LYRM4: variants seen among roughly 807,000 people sequenced by gnomAD.
LYRM4 encodes the protein LYR motif-containing protein 4.
In LYRM4, 9 loss-of-function variants were observed where a neutral mutation model predicts 11.7. That is an observed-to-expected ratio of 0.77 (90% CI 0.46 to 1.34). The LOEUF is 1.34. LYRM4 is among the 40% of genes most tolerant of loss of function. LYRM4 has a pLI of 0.00. For missense variants in LYRM4, 133 were observed against 112.5 expected, an observed-to-expected ratio of 1.18 and a Z score of -0.82; for synonymous variants, 42 against 40.4, an observed-to-expected ratio of 1.04 and a Z score of -0.15.
intron 1 of LYRM4, chr6:5,218,433 T>TA (rs1374883705): frequency 1.0e-6 from 1 of 956,352 alleles, no homozygotes; most frequent in African/African-American, 1.8e-5. Flanking sequence ...TTGTTTCAGA[T>TA]AAAGTTTTTT....
intron 2 of LYRM4, among the ~76,000 whole-genome samples, chr6:5,139,864 G>T (rs568406062): frequency 6.7e-6 from 1 of 149,686 alleles, no homozygotes; most frequent in Non-Finnish European, 1.5e-5. Flanking sequence ...TTGAGACAGG[G>T]TCTTGCTCTG....
intron 2 of LYRM4, among the ~76,000 whole-genome samples, chr6:5,168,160 A>G (rs542777330): frequency 1.3e-5 from 2 of 152,236 alleles, no homozygotes; most frequent in African/African-American, 4.8e-5. Flanking sequence ...GGAGGAAAGA[A>G]GAAGCTCTTC....
chr6:5,181,680 C>T (rs1760084147), intron 2 of LYRM4, among the ~76,000 whole-genome samples: 1 of 152,132 alleles, frequency 6.6e-6, no homozygotes, highest in Non-Finnish European at 1.5e-5. Flanking sequence ...AACTGGCCTC[C>T]CTGCCGAGCT....
intron 1 of LYRM4, among the ~76,000 whole-genome samples, chr6:5,225,862 A>G (rs1762861835): frequency 6.6e-6 from 1 of 152,256 alleles, no homozygotes; most frequent in Admixed American, 6.5e-5. Context: ...TGCATCATCA[A>G]ACTTTTTGAT....
At chr6:5,099,996 A>C (rs937253609), downstream of LYRM4, among the ~76,000 whole-genome samples, 1 of 152,298 alleles carries the variant, frequency 6.6e-6, no homozygotes, top group Non-Finnish European at 1.5e-5. The surrounding 1 kb of genome is among the most constrained non-coding windows in gnomAD (Gnocchi z 4.3). Flanking sequence ...CTAGACATTT[A>C]GACCTGTCAA....
At chr6:5,205,066 C>T (rs767898239) in intron 2 of LYRM4, among the ~76,000 whole-genome samples, 1 of 152,092 alleles carries the variant, frequency 6.6e-6, no homozygotes, top group Non-Finnish European at 1.5e-5. Flanking sequence ...CACTGGGGAT[C>T]ACAGTGAATA....
intron 1 of LYRM4, among the ~76,000 whole-genome samples, chr6:5,226,930 A>C (rs187218853): frequency 1.0e-3 from 152 of 152,310 alleles, no homozygotes; most frequent in South Asian, 1.7e-3. Flanking sequence ...GAGAGGGCTG[A>C]AATTGTGTGA....
intron 2 of LYRM4, among the ~76,000 whole-genome samples, chr6:5,213,010 A>T (rs1361603125): frequency 6.6e-6 from 1 of 152,232 alleles, no homozygotes; most frequent in Non-Finnish European, 1.5e-5. Context: ...TGAAGACTGA[A>T]GATCTTGCAC....
intron 2 of LYRM4, among the ~76,000 whole-genome samples, chr6:5,123,892 G>A (rs972214447): frequency 1.3e-5 from 2 of 152,214 alleles, no homozygotes; most frequent in African/African-American, 4.8e-5. Flanking sequence ...GGAGATGCAC[G>A]CACAGCTGCA....
At chr6:5,074,785 G>T in the LYRM4 span, among the ~76,000 whole-genome samples, 83 of 152,186 alleles carry the variant, frequency 5.5e-4, 1 homozygote, top group East Asian at 0.012. Flanking sequence ...CACGTTGATG[G>T]TGGTGATGGT....
chr6:5,177,744 G>C (rs1321161068), intron 2 of LYRM4, among the ~76,000 whole-genome samples: 1 of 152,170 alleles, frequency 6.6e-6, no homozygotes, highest in Non-Finnish European at 1.5e-5. Context: ...AAGAGTTTGA[G>C]GGGCTCGAGG....
intron 1 of LYRM4, among the ~76,000 whole-genome samples, chr6:5,232,847 A>G (rs1394921378): frequency 1.3e-5 from 2 of 152,210 alleles, no homozygotes; most frequent in Non-Finnish European, 2.9e-5. Flanking sequence ...TTGTAATTCC[A>G]TGATACAATA....
At chr6:5,246,568 G>T (rs1764206269) in intron 1 of LYRM4, among the ~76,000 whole-genome samples, 1 of 152,180 alleles carries the variant, frequency 6.6e-6, no homozygotes, top group Admixed American at 6.5e-5. Context: ...CAGGGTGCAG[G>T]GGGGACTGAG....
chr6:5,252,963 C>T (rs2127774195), intron 1 of LYRM4, among the ~76,000 whole-genome samples: 1 of 152,274 alleles, frequency 6.6e-6, no homozygotes. Context: ...CTTCCTATGA[C>T]TTCTGGTCAA....
chr6:5,083,521 A>T, the LYRM4 span, among the ~76,000 whole-genome samples: 1 of 152,160 alleles, frequency 6.6e-6, no homozygotes, highest in Non-Finnish European at 1.5e-5. Flanking sequence ...CTTAGTAGTG[A>T]TGGGGGAAAT....
At chr6:5,089,245 T>G in the LYRM4 span, 1 of 152,212 alleles carries the variant, frequency 6.6e-6, no homozygotes, top group East Asian at 1.9e-4. Flanking sequence ...ATAAAAGCTA[T>G]GAAGCCTTCT....
chr6:5,076,481 A>G, the LYRM4 span, among the ~76,000 whole-genome samples: 8 of 152,122 alleles, frequency 5.3e-5, no homozygotes, highest in African/African-American at 1.9e-4. Flanking sequence ...TTTCAAAATT[A>G]TTATAATAGT....
At chr6:5,068,718 C>T in the LYRM4 span, among the ~76,000 whole-genome samples, 4 of 152,002 alleles carry the variant, frequency 2.6e-5, no homozygotes, top group Non-Finnish European at 4.4e-5. The surrounding 1 kb of genome is among the most constrained non-coding windows in gnomAD (Gnocchi z 4.0). Context: ...AACGGTCTAT[C>T]GGCATGCATA....
chr6:5,129,026 G>A (rs957587425), intron 2 of LYRM4, among the ~76,000 whole-genome samples: 5 of 152,166 alleles, frequency 3.3e-5, no homozygotes, highest in East Asian at 1.9e-4. Context: ...TTCTCTCCAC[G>A]TGTGCACTGT....
Sources: gnomAD v4.1 joint callset for allele counts (sites outside exome capture counted in the v4.1 genomes callset) on GRCh38, gnomAD v4.1.1 for gene constraint, Gnocchi (gnomAD v3.1) non-coding constraint, MANE v1.5 for transcripts, NCBI Gene and HGNC (gene_info 2026-07-23, HGNC 2026-07-21) for gene names.